The following PARD3 variants were observed in gnomAD, a reference collection of about 807,000 sequenced individuals.
The protein encoded by PARD3 is partitioning defective 3 homolog.
Under a neutral mutation model 155.4 loss-of-function variants are expected in PARD3, and 75 were observed. The ratio of observed to expected loss-of-function variants is 0.48; its 90% CI spans 0.40 to 0.58. The LOEUF is 0.58. Ranked by LOEUF, PARD3 falls within the 20% of genes least tolerant of loss-of-function variation. The pLI is 0.00. For synonymous variants in PARD3, 576 were observed against 610.5 expected (o/e 0.94, Z 0.83); for missense variants, 1,642 against 1,721.7 (o/e 0.95, Z 0.82).
At chr10:34,272,876 G>A (rs7080819) in intron 21 of PARD3, among the ~76,000 whole-genome samples, 4,541 of 152,190 alleles carry the variant, frequency 0.03, 202 homozygotes, top group African/African-American at 0.1. Flanking sequence ...AAAGACGTTC[G>A]CCACCACCAG....
chr10:34,357,132 A>C (rs1838969914), intron 14 of PARD3, among the ~76,000 whole-genome samples: 1 of 152,316 alleles, frequency 6.6e-6, no homozygotes. Flanking sequence ...AAACATTTTC[A>C]GGCAGGTACA....
intron 21 of PARD3, among the ~76,000 whole-genome samples, chr10:34,273,753 C>A (rs2133876775): frequency 6.6e-6 from 1 of 152,244 alleles, no homozygotes; most frequent in South Asian, 2.1e-4. Flanking sequence ...AGAAAATTGT[C>A]ACATAGCATT....
intron 1 of PARD3, among the ~76,000 whole-genome samples, chr10:34,729,077 G>C (rs1471592193): frequency 6.6e-6 from 1 of 152,210 alleles, no homozygotes; most frequent in Non-Finnish European, 1.5e-5. Flanking sequence ...GCCGAGGTGT[G>C]CAGTAGGCTC....
At chr10:34,156,961 A>C (rs1411145813) in intron 22 of PARD3, among the ~76,000 whole-genome samples, 1 of 152,146 alleles carries the variant, frequency 6.6e-6, no homozygotes, top group Non-Finnish European at 1.5e-5. Context: ...GGGAAAAAAA[A>C]CCCTGCCCTT....
chr10:34,197,930 A>G (rs1429634487), intron 22 of PARD3, among the ~76,000 whole-genome samples: 1 of 152,182 alleles, frequency 6.6e-6, no homozygotes, highest in Non-Finnish European at 1.5e-5. Context: ...GGGTTTCACC[A>G]TGTTGGCCAG....
At chr10:34,211,894 C>T (rs1179682266) in intron 22 of PARD3, among the ~76,000 whole-genome samples, 2 of 152,162 alleles carry the variant, frequency 1.3e-5, no homozygotes. Context: ...AGGGTTATCC[C>T]AAAGATCTTC....
intron 2 of PARD3, among the ~76,000 whole-genome samples, chr10:34,543,476 C>T (rs539754238): frequency 1.1e-4 from 17 of 152,282 alleles, no homozygotes; most frequent in African/African-American, 4.1e-4. Context: ...AACCAAAACG[C>T]AACTTAAAGT....
At chr10:34,225,349 C>CT (rs572767003) in intron 22 of PARD3, among the ~76,000 whole-genome samples, 8,198 of 141,856 alleles carry the variant, frequency 0.058, 709 homozygotes, top group African/African-American at 0.2. Context: ...TTTTTTTTCT[C>CT]TTTTTTTTTT....
At position 34,797,885 on chromosome 10, in the gene PARD3, GTC is replaced by G. The variant is rs1398460347; in HGVS notation, c.120+16989_120+16990del. 4.6e-5 allele frequency among the ~76,000 whole-genome samples: 7 copies of G among 152,298 alleles called. No individual in the cohort carries two copies. In the East Asian group the frequency reaches 1.2e-3, roughly 25 times the overall value. ...CTAAGGATGACCTTGCACATGTGTTGTCTCTGTTTCTACAAATAAAACTCAAC... is the reference window on the plus strand; with the variant it reads ...CTAAGGATGACCTTGCACATGTGTTGTCTGTTTCTACAAATAAAACTCAAC... On this transcript the variant is annotated intron_variant, in intron 1 of 24. Coordinates refer to ENST00000374788, the MANE Select transcript of PARD3 (RefSeq NM_001184785.2).
intron 2 of PARD3, among the ~76,000 whole-genome samples, chr10:34,525,857 T>C (rs1303019096): frequency 2.0e-5 from 3 of 151,048 alleles, no homozygotes; most frequent in African/African-American, 7.3e-5. Flanking sequence ...TAGAGGTAGG[T>C]AGATCATGAG....
intron 2 of PARD3, among the ~76,000 whole-genome samples, chr10:34,529,831 T>G (rs954065261): frequency 5.3e-5 from 8 of 152,058 alleles, no homozygotes; most frequent in Non-Finnish European, 2.9e-5. Flanking sequence ...CCTCCCAGGT[T>G]CAAGCCAATT....
chr10:34,362,018 C>T (rs1279395114), intron 12 of PARD3, among the ~76,000 whole-genome samples: 1 of 152,172 alleles, frequency 6.6e-6, no homozygotes, highest in Admixed American at 6.5e-5. Flanking sequence ...TGGCTCACGC[C>T]CATAATCCCA....
At chr10:34,304,017 C>T (rs988257295) in intron 20 of PARD3, among the ~76,000 whole-genome samples, 1 of 151,960 alleles carries the variant, frequency 6.6e-6, no homozygotes, top group Non-Finnish European at 1.5e-5. Context: ...AGGGAATGCG[C>T]AGCACAGAGC....
At chr10:34,113,135 TTA>T (rs1368325458) in intron 24 of PARD3, among the ~76,000 whole-genome samples, 2 of 152,196 alleles carry the variant, frequency 1.3e-5, no homozygotes, top group African/African-American at 4.8e-5. Context: ...TGGGATTCTT[TTA>T]TGAGTTATCA....
At chr10:34,666,812 TATATACACACACACACAC>T (rs1453944983) in intron 2 of PARD3, among the ~76,000 whole-genome samples, 20 of 95,268 alleles carry the variant, frequency 2.1e-4, no homozygotes, top group African/African-American at 9.0e-4. Context: ...TATATATATA[TATATACACACACACACAC>T]ACACACAAAC....
chr10:34,360,160 C>T lies in PARD3; in HGVS notation c.1807G>A (p.Val603Ile). 1 of 1,613,974 alleles carries T rather than the reference C, an allele frequency of 6.2e-7. No homozygotes were observed. Among genetic ancestry groups the T allele is most frequent in the African/African-American group, 1.3e-5 (1 of 75,048 alleles). The change falls in exon 13 of 25, where the codon GTC becomes ATC. Residue 603 changes from valine (V) to isoleucine (I), a missense_variant. By Grantham distance (29) the Val-to-Ile change is conservative. This residue lies in a region of PARD3 where 1,529 missense variants were observed against 1,587.3 expected (regional missense o/e 0.96). Coordinates refer to ENST00000374788, the MANE Select transcript of PARD3 (RefSeq NM_001184785.2). ...LNDSGSAGLG[V>I]SVKGNRSKEN... The stretch of plus-strand genomic sequence containing the variant: ...TTTGACCGGTTACCTTTGACACTGA[C>T]ACCAAGGCCTGCAGATCCTGAATCA...
intron 22 of PARD3, among the ~76,000 whole-genome samples, chr10:34,205,553 T>C (rs1837693): frequency 0.028 from 4,189 of 152,192 alleles, 88 homozygotes; most frequent in Non-Finnish European, 0.041. Flanking sequence ...AGGTGTCAGA[T>C]GCAATGGCAA....
intron 5 of PARD3, among the ~76,000 whole-genome samples, chr10:34,408,262 G>T (rs1426464826): frequency 6.6e-6 from 1 of 151,330 alleles, no homozygotes; most frequent in Non-Finnish European, 1.5e-5. Context: ...AATATTTTCT[G>T]TCAAGTGTTT....
intron 22 of PARD3, among the ~76,000 whole-genome samples, chr10:34,161,859 C>T (rs570209670): frequency 4.6e-5 from 7 of 152,226 alleles, no homozygotes; most frequent in South Asian, 4.2e-4. Context: ...CATGGCCATC[C>T]GATTAAAGCC....
Sources: allele counts gnomAD v4.1 joint callset (sites outside exome capture counted in the v4.1 genomes callset), GRCh38; gene constraint gnomAD v4.1.1; regional missense constraint gnomAD v4.1.1; transcripts MANE v1.5; gene names NCBI Gene and HGNC (gene_info 2026-07-23, HGNC 2026-07-21).